The following SOX5 variants were observed in gnomAD, a reference collection of about 807,000 sequenced individuals.
The protein encoded by SOX5 is SRY-box transcription factor 5.
In SOX5, 9 loss-of-function variants were observed where a neutral mutation model predicts 92.0. That is an observed-to-expected ratio of 0.10 (90% CI 0.06 to 0.17). The LOEUF is 0.17. Among genes scored for constraint, SOX5 ranks in the 10% least tolerant of loss-of-function variants. The probability of loss-of-function intolerance (pLI) is 1.00; values close to 1 mark genes in which losing one functional copy is unlikely to be tolerated. For missense variants in SOX5, 642 were observed against 944.5 expected (o/e 0.68, Z 4.20); for synonymous variants, 344 against 336.3 (o/e 1.02, Z -0.25).
At chr12:24,052,984 T>C (rs1957708989) in intron 4 of SOX5, among the ~76,000 whole-genome samples, 1 of 152,232 alleles carries the variant, frequency 6.6e-6, no homozygotes, top group South Asian at 2.1e-4. Context: ...TGTCCCATCT[T>C]ATAACTATTG....
upstream of SOX5, among the ~76,000 whole-genome samples, chr12:23,949,944 C>T (rs2139819653): frequency 6.6e-6 from 1 of 151,816 alleles, no homozygotes; most frequent in East Asian, 1.9e-4. Flanking sequence ...CCTCAGGGTG[C>T]CTGTCCTTTC....
At chr12:23,901,160 A>G (rs2097227634) in intron 1 of SOX5, among the ~76,000 whole-genome samples, 1 of 152,170 alleles carries the variant, frequency 6.6e-6, no homozygotes, top group East Asian at 1.9e-4. Context: ...AAGAGGGAGA[A>G]GAAAAGTCAG....
intron 6 of SOX5, among the ~76,000 whole-genome samples, chr12:23,709,792 A>T (rs1371236823): frequency 1.3e-5 from 2 of 152,200 alleles, no homozygotes; most frequent in Non-Finnish European, 2.9e-5. Context: ...GGAAATGTTA[A>T]ATCATACTAG....
chr12:23,882,229 C>T (rs951902252), intron 2 of SOX5, among the ~76,000 whole-genome samples: 1 of 151,960 alleles, frequency 6.6e-6, no homozygotes, highest in Admixed American at 6.6e-5. Flanking sequence ...TTGCTGGTAA[C>T]ATAGAAGCAA....
chr12:23,899,101 A>G (rs1257667906), intron 1 of SOX5, among the ~76,000 whole-genome samples: 1 of 152,188 alleles, frequency 6.6e-6, no homozygotes, highest in Non-Finnish European at 1.5e-5. Flanking sequence ...CTTGGGCAGA[A>G]AAAAGTCTCA....
chr12:24,279,076 A>G (rs553219250), intron 2 of SOX5, among the ~76,000 whole-genome samples: 2 of 152,210 alleles, frequency 1.3e-5, no homozygotes, highest in East Asian at 3.9e-4. Flanking sequence ...TAGAACATGA[A>G]AAACTTGAAT....
chr12:24,002,009 C>G (rs540242877), intron 4 of SOX5, among the ~76,000 whole-genome samples: 6 of 151,870 alleles, frequency 4.0e-5, no homozygotes, highest in Admixed American at 6.6e-5. Flanking sequence ...ATAGTGTGAG[C>G]TAAATGAAAA....
chr12:23,778,646 G>A (rs928901508), intron 3 of SOX5, among the ~76,000 whole-genome samples: 1 of 152,204 alleles, frequency 6.6e-6, no homozygotes, highest in Non-Finnish European at 1.5e-5. Context: ...TAAGCAGATT[G>A]GTAAATTCCC....
intron 1 of SOX5, among the ~76,000 whole-genome samples, chr12:23,908,572 C>T (rs974018801): frequency 1.3e-5 from 2 of 151,518 alleles, no homozygotes; most frequent in Admixed American, 6.6e-5. Context: ...CAGCAAGGAA[C>T]GTATATACAG....
chr12:24,240,673 C>T (rs1427730882), intron 3 of SOX5, among the ~76,000 whole-genome samples: 1 of 152,080 alleles, frequency 6.6e-6, no homozygotes, highest in Non-Finnish European at 1.5e-5. Context: ...AATACTATCA[C>T]AAGACTGGCA....
intron 4 of SOX5, among the ~76,000 whole-genome samples, chr12:23,984,859 A>G (rs1949913310): frequency 6.6e-6 from 1 of 152,226 alleles, no homozygotes; most frequent in Admixed American, 6.5e-5. Context: ...ATGGACTAAT[A>G]ATAATTGTAA....
At chr12:23,879,437 C>T (rs2096963105) in intron 2 of SOX5, among the ~76,000 whole-genome samples, 2 of 152,238 alleles carry the variant, frequency 1.3e-5, no homozygotes, top group South Asian at 4.1e-4. Context: ...CATAGAAAGG[C>T]AACTTGGCAA....
chr12:23,936,294 C>T (rs189129293), intron 1 of SOX5, among the ~76,000 whole-genome samples: 2 of 150,938 alleles, frequency 1.3e-5, no homozygotes, highest in African/African-American at 4.8e-5. Flanking sequence ...ATTAAAGATA[C>T]ATATAGTGGC....
chr12:24,036,951 T>C (rs1956100043), intron 4 of SOX5, among the ~76,000 whole-genome samples: 1 of 152,124 alleles, frequency 6.6e-6, no homozygotes. Flanking sequence ...TTCAGCAGGA[T>C]AACTGTAAGT....
At chr12:23,555,066 G>A (rs1944911554) in intron 11 of SOX5, among the ~76,000 whole-genome samples, 1 of 152,070 alleles carries the variant, frequency 6.6e-6, no homozygotes, top group Admixed American at 6.6e-5. Context: ...TTGAAAATTA[G>A]AAAATTCAGA....
At chr12:23,829,303 C>T (rs1021917202) in intron 3 of SOX5, among the ~76,000 whole-genome samples, 27 of 152,090 alleles carry the variant, frequency 1.8e-4, no homozygotes, top group Admixed American at 1.3e-4. Flanking sequence ...CACACATGCA[C>T]GCACAGACAC....
intron 3 of SOX5, among the ~76,000 whole-genome samples, chr12:23,826,041 T>C (rs957000083): frequency 2.0e-5 from 3 of 152,096 alleles, no homozygotes; most frequent in African/African-American, 4.8e-5. Context: ...TTTTTTATTA[T>C]ACTCTAAGTT....
At chr12:23,693,606 A>G (rs1053350932) in intron 6 of SOX5, among the ~76,000 whole-genome samples, 5 of 151,910 alleles carry the variant, frequency 3.3e-5, no homozygotes, top group Admixed American at 6.6e-5. Context: ...GAAGTTTTGG[A>G]GTTGCTGTGT....
intron 8 of SOX5, among the ~76,000 whole-genome samples, chr12:23,640,144 A>T (rs1047264717): frequency 6.6e-6 from 1 of 152,262 alleles, no homozygotes; most frequent in Admixed American, 6.5e-5. Context: ...CAGTTAATCA[A>T]AGCTACCTGT....
Sources: allele counts gnomAD v4.1 joint callset (sites outside exome capture counted in the v4.1 genomes callset), GRCh38; gene constraint gnomAD v4.1.1; transcripts MANE v1.5; gene names NCBI Gene and HGNC (gene_info 2026-07-23, HGNC 2026-07-21).